Variants in ETV6 observed in about 807,000 individuals in gnomAD.
ETV6 encodes transcription factor ETV6.
ETV6 carries 16 observed loss-of-function variants against 51.1 expected under a neutral mutation model. The ratio of observed to expected loss-of-function variants is 0.31; its 90% CI spans 0.21 to 0.48. The LOEUF (loss-of-function observed/expected upper bound fraction) is 0.48, where lower values mean the gene tolerates loss of function less well. Among genes scored for constraint, ETV6 ranks in the 20% least tolerant of loss-of-function variants. The probability of loss-of-function intolerance (pLI) is 0.99; values close to 1 mark genes in which losing one functional copy is unlikely to be tolerated. For missense variants in ETV6, 458 were observed against 594.8 expected (o/e 0.77, Z 2.39); for synonymous variants, 240 against 224.1 (o/e 1.07, Z -0.64).
intron 1 of ETV6, among the ~76,000 whole-genome samples, chr12:11,666,042 CTGTT>C (rs1259100726): frequency 1.3e-5 from 2 of 152,214 alleles, no homozygotes; most frequent in Non-Finnish European, 2.9e-5. Flanking sequence ...GAACCAGTGG[CTGTT>C]TGTTGTAGCT....
At chr12:11,849,804 A>G (rs1040423252) in intron 3 of ETV6, among the ~76,000 whole-genome samples, 87 of 152,330 alleles carry the variant, frequency 5.7e-4, no homozygotes, top group African/African-American at 2.1e-3. Flanking sequence ...GTTTGAGTCA[A>G]TCTAGGAAAC....
chr12:11,752,408 G>C (rs527614980), intron 1 of ETV6, 42 bp from the exon 2 acceptor site: 1 of 1,579,824 alleles, frequency 6.3e-7, no homozygotes, highest in Non-Finnish European at 8.6e-7. Context: ...AGCTTTCATT[G>C]TCTCTCTCCC....
chr12:11,743,154 T>C (rs1040266477), intron 1 of ETV6, among the ~76,000 whole-genome samples: 2 of 152,192 alleles, frequency 1.3e-5, no homozygotes, highest in African/African-American at 4.8e-5. Flanking sequence ...GGCTGGGTAT[T>C]GTTATCCGAA....
At chr12:11,663,751 G>A (rs1056428880) in intron 1 of ETV6, among the ~76,000 whole-genome samples, 1 of 93,768 alleles carries the variant, frequency 1.1e-5, no homozygotes, top group Admixed American at 1.3e-4. Context: ...TTTATATGTT[G>A]GTAGGTTGTG....
chr12:11,832,434 A>G (rs1372580868), intron 2 of ETV6, among the ~76,000 whole-genome samples: 1 of 152,234 alleles, frequency 6.6e-6, no homozygotes, highest in African/African-American at 2.4e-5. Context: ...GGTGAAAGAT[A>G]AGCCACTGGC....
chr12:11,730,168 C>A (rs1014210067), intron 1 of ETV6, among the ~76,000 whole-genome samples: 4 of 152,280 alleles, frequency 2.6e-5, no homozygotes, highest in African/African-American at 9.6e-5. Flanking sequence ...ACAACTCTTC[C>A]TCTACAATCC....
In ETV6 at chr12:11,893,815, TATATATATATATATATATATATATATAC is replaced by T. The variant is rs1565573341; in HGVS notation, c.*2771_*2798del. 25 of 122,380 alleles carry T rather than the reference TATATATATATATATATATATATATATAC, an allele frequency of 2.0e-4. 1 individual carries two copies. The highest frequency in any genetic ancestry group is 3.1e-3 in the Middle Eastern group (1 of 320). 7.6% of individuals were successfully genotyped at this position (122,380 alleles called of 1,614,324 possible). On this transcript the variant is annotated 3_prime_UTR_variant, in exon 8 of 8. Coordinates refer to ENST00000396373, the MANE Select transcript of ETV6 (RefSeq NM_001987.5). The stretch of plus-strand genomic sequence containing the variant: ...CATTTTATATATATATATATATATA[TATATATATATATATATATATATATATAC>T]ACACACACACACATACACAAATATT...
At chr12:11,855,224 T>G (rs1380784040) in intron 4 of ETV6, among the ~76,000 whole-genome samples, 1 of 150,708 alleles carries the variant, frequency 6.6e-6, no homozygotes, top group Non-Finnish European at 1.5e-5. Context: ...GATAATGGAG[T>G]GAACCCGGGA....
intron 2 of ETV6, among the ~76,000 whole-genome samples, chr12:11,760,341 G>A (rs1236815801): frequency 6.6e-6 from 1 of 152,192 alleles, no homozygotes; most frequent in Non-Finnish European, 1.5e-5. Context: ...TGCAGATGAT[G>A]GGTACGGATA....
In ETV6 at chr12:11,756,215, G is replaced by A. The variant is rs754831304; in HGVS notation, c.163+3636G>A. ...GGACTGGCAAAGAAGCCTGGGCAGAGTGCAAGAGGAGAGCCCAGGGAAGAA... is the reference window on the plus strand; with the variant it reads ...GGACTGGCAAAGAAGCCTGGGCAGAATGCAAGAGGAGAGCCCAGGGAAGAA... On this transcript the variant is annotated intron_variant, in intron 2 of 7. Coordinates refer to ENST00000396373, the MANE Select transcript of ETV6 (RefSeq NM_001987.5). Among the ~76,000 whole-genome samples, 62 of 152,180 alleles carry A rather than the reference G, an allele frequency of 4.1e-4. 1 individual carries two copies. The highest frequency in any genetic ancestry group is 1.3e-4 in the Non-Finnish European group (9 of 68,040).
chr12:11,681,641 G>T (rs2724628), intron 1 of ETV6, among the ~76,000 whole-genome samples: 55,129 of 151,798 alleles, frequency 0.36, 12,249 homozygotes, highest in Non-Finnish European at 0.49. Context: ...TGTTACATAG[G>T]TATACACGTG....
At position 11,769,124 on chromosome 12, in the gene ETV6, A is replaced by G. The variant is rs528350433; in HGVS notation, c.163+16545A>G. On this transcript the variant is annotated intron_variant, in intron 2 of 7. Coordinates refer to ENST00000396373, the MANE Select transcript of ETV6 (RefSeq NM_001987.5). ...CAGTAGAGTAGTAATTACAGGAGGT[A>G]AATATCTAAAACTTACATAGCTCTT... 1.2e-4 allele frequency among the ~76,000 whole-genome samples: 19 copies of G among 152,332 alleles called. No homozygotes were observed. The South Asian group carries it at 3.9e-3, about 32-fold the overall frequency.
chr12:11,750,981 C>A, intron 1 of ETV6: 1 of 399,918 alleles, frequency 2.5e-6, no homozygotes, highest in Non-Finnish European at 4.9e-6. Flanking sequence ...AGAAATGAAA[C>A]CTGGGATATA....
At position 11,794,851 on chromosome 12, in the gene ETV6, T is replaced by C. The variant is rs759485686; in HGVS notation, c.163+42272T>C. Among the ~76,000 whole-genome samples, 21 of 152,378 alleles carry C rather than the reference T, an allele frequency of 1.4e-4. 1 individual carries two copies. The highest frequency in any genetic ancestry group is 3.4e-3 in the Middle Eastern group (1 of 294). On this transcript the variant is annotated intron_variant, in intron 2 of 7. Transcript: ENST00000396373. ...GAGGCATACATTTATTTGTTTTCTC[T>C]TTCTCATTTGGTGGTAAATACTTCA...
intron 1 of ETV6, among the ~76,000 whole-genome samples, chr12:11,670,730 G>A (rs1402758089): frequency 2.0e-5 from 3 of 152,156 alleles, no homozygotes; most frequent in Non-Finnish European, 4.4e-5. Flanking sequence ...TCAGACATAC[G>A]TACAAATTCT....
At chr12:11,777,592 C>T (rs1410306007) in intron 2 of ETV6, among the ~76,000 whole-genome samples, 3 of 152,066 alleles carry the variant, frequency 2.0e-5, no homozygotes, top group Non-Finnish European at 2.9e-5. Flanking sequence ...ATTGTCCCCT[C>T]CCCACCTGCG....
In ETV6 at chr12:11,869,288, AG is replaced by A. The variant is rs1946839385; in HGVS notation, c.464-135del. 1.3e-6 allele frequency: 1 copy of A among 742,690 alleles called. No homozygotes were observed. Among genetic ancestry groups the A allele is most frequent in the South Asian group, 1.8e-5 (1 of 54,762 alleles). 46.0% of individuals were successfully genotyped at this position (742,690 alleles called of 1,614,324 possible). A position where few individuals can be genotyped will look rare whatever the true frequency, so the allele number is the denominator to read the frequency against. ...CCTTCAAATTGTTAAGCAGTGAAAA[AG>A]ACACTGCATTCTGGGGAGAAAGGTC... On this transcript the variant is annotated intron_variant, in intron 4 of 7. Coordinates refer to ENST00000396373, the MANE Select transcript of ETV6 (RefSeq NM_001987.5). The surrounding 1 kb of genome is among the most constrained non-coding windows in gnomAD (Gnocchi z 5.0).
chr12:11,746,045 CTCA>C (rs1392722264), intron 1 of ETV6, among the ~76,000 whole-genome samples: 1 of 152,170 alleles, frequency 6.6e-6, no homozygotes, highest in East Asian at 1.9e-4. Flanking sequence ...GCATTTACCC[CTCA>C]GTCTGTGCTA....
intron 1 of ETV6, among the ~76,000 whole-genome samples, chr12:11,703,617 TC>T (rs1192515238): frequency 6.6e-6 from 1 of 152,208 alleles, no homozygotes; most frequent in Admixed American, 6.5e-5. Context: ...ATTTTTTATT[TC>T]CCAAGAGCAC....
Sources: allele counts gnomAD v4.1 joint callset (sites outside exome capture counted in the v4.1 genomes callset), GRCh38; gene constraint gnomAD v4.1.1; non-coding constraint Gnocchi (gnomAD v3.1); transcripts MANE v1.5; gene names NCBI Gene and HGNC (gene_info 2026-07-23, HGNC 2026-07-21).